MYO3A: variants seen among roughly 807,000 people sequenced by gnomAD.
MYO3A encodes myosin IIIA, also known as myosin-IIIa.
A neutral mutation model predicts 192.7 loss-of-function variants in MYO3A; 180 were observed. The ratio of observed to expected loss-of-function variants is 0.93; its 90% confidence interval spans 0.83 to 1.06. MYO3A has a LOEUF of 1.06. Ranked by LOEUF, MYO3A falls within the 50% of genes least tolerant of loss-of-function variation. MYO3A has a pLI of 0.00. For synonymous variants in MYO3A, 628 were observed against 645.3 expected (o/e 0.97, Z 0.41); for missense variants, 1,896 against 1,905.0 (o/e 1.00, Z 0.09).
At chr10:26,059,452 T>C (rs61849329) in intron 10 of MYO3A, among the ~76,000 whole-genome samples, 71,543 of 151,708 alleles carry the variant, frequency 0.47, 17,663 homozygotes, top group Middle Eastern at 0.58. Context: ...ATGTCATTTT[T>C]ACTTTTTAGC....
intron 6 of MYO3A, among the ~76,000 whole-genome samples, chr10:26,009,231 G>A (rs1387274911): frequency 6.7e-6 from 1 of 150,088 alleles, no homozygotes. Flanking sequence ...CTGTTGTGGG[G>A]TTGGGGGAGG....
chr10:25,948,774 A>G (rs1837021499), intron 2 of MYO3A, among the ~76,000 whole-genome samples: 1 of 152,130 alleles, frequency 6.6e-6, no homozygotes, highest in Non-Finnish European at 1.5e-5. Context: ...TTAATGTATT[A>G]TTTTGAAGCA....
chr10:26,207,873 A>C (rs942168550), intron 34 of MYO3A, among the ~76,000 whole-genome samples: 4 of 152,162 alleles, frequency 2.6e-5, no homozygotes, highest in Non-Finnish European at 5.9e-5. Context: ...TAGTATGAGC[A>C]TTTTACCAAT....
At chr10:26,170,369 TTTTA>T in intron 28 of MYO3A, 43 bp from the exon 29 acceptor site, 1 of 1,597,456 alleles carries the variant, frequency 6.3e-7, no homozygotes, top group Non-Finnish European at 8.5e-7. Context: ...AGTAAATTTC[TTTTA>T]TTTGTTTATA....
chr10:25,947,935 G>T (rs1364445421), intron 2 of MYO3A, among the ~76,000 whole-genome samples: 1 of 152,142 alleles, frequency 6.6e-6, no homozygotes, highest in Non-Finnish European at 1.5e-5. Context: ...CATAATTACA[G>T]GAAATTATGT....
intron 34 of MYO3A, among the ~76,000 whole-genome samples, chr10:26,208,733 GT>G (rs1004510952): frequency 7.2e-5 from 11 of 152,228 alleles, no homozygotes; most frequent in African/African-American, 2.2e-4. Context: ...CTTGCCAAAG[GT>G]TTTTTTCTTT....
At chr10:26,057,310 G>T (rs769987683) in intron 10 of MYO3A, among the ~76,000 whole-genome samples, 12 of 152,158 alleles carry the variant, frequency 7.9e-5, no homozygotes, top group Non-Finnish European at 1.5e-4. Flanking sequence ...TGGAAAGGAA[G>T]CTTCTGATAG....
At chr10:26,139,354 C>T (rs1196974201) in intron 20 of MYO3A, among the ~76,000 whole-genome samples, 2 of 148,942 alleles carry the variant, frequency 1.3e-5, no homozygotes, top group Admixed American at 6.7e-5. Context: ...GATTTTCTTT[C>T]TCAGCCTCCC....
At chr10:25,963,233 C>G (rs562224043) in intron 4 of MYO3A, among the ~76,000 whole-genome samples, 1 of 152,158 alleles carries the variant, frequency 6.6e-6, no homozygotes. Context: ...TTTCAAAGCA[C>G]GAAAATTCAG....
At chr10:26,151,510 T>A (rs1256124182) in intron 23 of MYO3A, among the ~76,000 whole-genome samples, 1 of 152,204 alleles carries the variant, frequency 6.6e-6, no homozygotes, top group Non-Finnish European at 1.5e-5. Flanking sequence ...AGTGAGTGAA[T>A]GGCATATCTT....
chr10:25,974,707 G>A (rs1341544646), intron 4 of MYO3A, among the ~76,000 whole-genome samples: 1 of 152,152 alleles, frequency 6.6e-6, no homozygotes, highest in Non-Finnish European at 1.5e-5. Flanking sequence ...TTCGCTGACT[G>A]TATGCCCTTA....
At chr10:26,133,070 C>A (rs1213986578) in intron 20 of MYO3A, among the ~76,000 whole-genome samples, 2 of 152,148 alleles carry the variant, frequency 1.3e-5, no homozygotes, top group Non-Finnish European at 2.9e-5. Flanking sequence ...TTAAAAATAA[C>A]CCCCTTATCA....
chr10:26,115,286 G>T (rs976044093), intron 17 of MYO3A, among the ~76,000 whole-genome samples: 33 of 152,178 alleles, frequency 2.2e-4, no homozygotes, highest in Admixed American at 1.3e-4. Flanking sequence ...GATCATGGCA[G>T]AGGCAAGCTG....
chr10:26,208,788 G>A (rs745825332), intron 34 of MYO3A, among the ~76,000 whole-genome samples: 20 of 151,938 alleles, frequency 1.3e-4, no homozygotes, highest in Non-Finnish European at 2.8e-4. Context: ...CCAGAATAGA[G>A]GCATATTCCA....
At chr10:26,195,364 C>G (rs1045399856) in intron 32 of MYO3A, among the ~76,000 whole-genome samples, 1 of 152,196 alleles carries the variant, frequency 6.6e-6, no homozygotes, top group Non-Finnish European at 1.5e-5. Flanking sequence ...CATGTCTTGT[C>G]AGTAGTTCTG....
intron 10 of MYO3A, among the ~76,000 whole-genome samples, chr10:26,038,939 A>C (rs1391523577): frequency 6.6e-6 from 1 of 152,186 alleles, no homozygotes; most frequent in Non-Finnish European, 1.5e-5. Context: ...TGTTGATATA[A>C]TGTATCACAT....
intron 4 of MYO3A, among the ~76,000 whole-genome samples, chr10:25,965,915 G>T (rs1472501458): frequency 6.6e-6 from 1 of 151,732 alleles, no homozygotes; most frequent in African/African-American, 2.4e-5. Context: ...TGGCTACCGG[G>T]GTAGGGAAGG....
chr10:26,068,187 T>C (rs920314957), intron 11 of MYO3A, among the ~76,000 whole-genome samples: 1 of 152,194 alleles, frequency 6.6e-6, no homozygotes, highest in Non-Finnish European at 1.5e-5. Context: ...TTTTAGTTTC[T>C]TTTTGGACCT....
At chr10:26,124,225 C>T (rs563974435) in intron 18 of MYO3A, among the ~76,000 whole-genome samples, 1 of 148,142 alleles carries the variant, frequency 6.8e-6, no homozygotes, top group East Asian at 2.0e-4. Flanking sequence ...TACATATTTA[C>T]GTATTTTGAA....
Sources: allele counts gnomAD v4.1 joint callset (sites outside exome capture counted in the v4.1 genomes callset), GRCh38; gene constraint gnomAD v4.1.1; transcripts MANE v1.5; gene names NCBI Gene and HGNC (gene_info 2026-07-23, HGNC 2026-07-21).